Variants in PDZRN4 observed in about 807,000 individuals in gnomAD.
The protein encoded by PDZRN4 is PDZ domain-containing RING finger protein 4.
A neutral mutation model predicts 99.0 loss-of-function variants in PDZRN4; 70 were observed. That is an observed-to-expected ratio of 0.71 (90% CI 0.58 to 0.86). The LOEUF (loss-of-function observed/expected upper bound fraction) is 0.86, where lower values mean the gene tolerates loss of function less well. PDZRN4 is among the 40% of genes least tolerant of loss of function. The pLI, the probability that PDZRN4 is intolerant of heterozygous loss-of-function variation, is 0.00. For synonymous variants in PDZRN4, 551 were observed against 501.6 expected (o/e 1.10, Z -1.32); for missense variants, 1,474 against 1,331.2 (o/e 1.11, Z -1.67).
rs78145921 is a variant in PDZRN4 at position 41,270,227 on chromosome 12, C to A, written c.843+76039C>A. 7.8e-3 allele frequency among the ~76,000 whole-genome samples: 1,171 copies of A among 151,068 alleles called. 29 individuals are homozygous for A. The highest frequency in any genetic ancestry group is 0.053 in the East Asian group (271 of 5,138). ...AATAGATTTTACTCAATTAACTCTGCAATTATCTGGGATAATTTTTGGATC... is the reference window on the plus strand; with the variant it reads ...AATAGATTTTACTCAATTAACTCTGAAATTATCTGGGATAATTTTTGGATC... On this transcript the variant is annotated intron_variant, in intron 3 of 9. Transcript: ENST00000402685.
intron 3 of PDZRN4, among the ~76,000 whole-genome samples, chr12:41,206,943 T>C (rs891125574): frequency 1.5e-4 from 23 of 152,078 alleles, no homozygotes; most frequent in African/African-American, 5.5e-4. Flanking sequence ...CTGTCTATTT[T>C]GCTTCGCAAT....
intron 3 of PDZRN4, among the ~76,000 whole-genome samples, chr12:41,439,464 T>G (rs899849186): frequency 6.6e-6 from 1 of 152,120 alleles, no homozygotes; most frequent in Non-Finnish European, 1.5e-5. Context: ...ATTACTAAAT[T>G]TATATAAAAG....
intron 3 of PDZRN4, among the ~76,000 whole-genome samples, chr12:41,329,937 C>G (rs1228612178): frequency 2.6e-5 from 4 of 152,088 alleles, no homozygotes; most frequent in African/African-American, 9.7e-5. Context: ...ATACCTGATT[C>G]TCTCATGATA....
chr12:41,314,534 A>G (rs1951626667), intron 3 of PDZRN4, among the ~76,000 whole-genome samples: 1 of 152,204 alleles, frequency 6.6e-6, no homozygotes, highest in South Asian at 2.1e-4. Flanking sequence ...GCCTTCACCA[A>G]AGAGGCTGCA....
At chr12:41,420,595 C>T (rs1952480655) in intron 3 of PDZRN4, among the ~76,000 whole-genome samples, 1 of 152,300 alleles carries the variant, frequency 6.6e-6, no homozygotes. Flanking sequence ...CTGGTCTTCT[C>T]AGTCTCTCTT....
chr12:41,344,168 A>G (rs921564952), intron 3 of PDZRN4, among the ~76,000 whole-genome samples: 1 of 152,164 alleles, frequency 6.6e-6, no homozygotes, highest in African/African-American at 2.4e-5. Context: ...TAGCAGACAG[A>G]GTTCAATGAG....
rs191386348 is a variant in PDZRN4 at position 41,310,679 on chromosome 12, G to A, written c.843+116491G>A. On this transcript the variant is annotated intron_variant, in intron 3 of 9. Transcript: ENST00000402685. The stretch of plus-strand genomic sequence containing the variant: ...ACAAAAATATTTCTTAAGATAAAAG[G>A]AAAGCTTTACAGAAAAGCAAAGGCT... Among the ~76,000 whole-genome samples, 509 of 152,228 alleles carry A rather than the reference G, an allele frequency of 3.3e-3. 7 individuals carry two copies. Among genetic ancestry groups the A allele is most frequent in the African/African-American group, 0.012 (490 of 41,544 alleles).
At position 41,313,648 on chromosome 12, in the gene PDZRN4, G is replaced by A. The variant is rs150543372; in HGVS notation, c.843+119460G>A. Among the ~76,000 whole-genome samples, 1,179 of 152,234 alleles carry A rather than the reference G, an allele frequency of 7.7e-3. 15 individuals are homozygous for A. The highest frequency in any genetic ancestry group is 0.026 in the African/African-American group (1,096 of 41,538). On this transcript the variant is annotated intron_variant, in intron 3 of 9. Coordinates refer to ENST00000402685, the MANE Select transcript of PDZRN4 (RefSeq NM_001164595.2). ...AGAGAAGGAATTCTTCCTCCTCGTTGAGCCCCATCCATGGACATCAGCCAT... is the reference window on the plus strand; with the variant it reads ...AGAGAAGGAATTCTTCCTCCTCGTTAAGCCCCATCCATGGACATCAGCCAT...
intron 3 of PDZRN4, among the ~76,000 whole-genome samples, chr12:41,491,698 G>C (rs549766658): frequency 6.6e-6 from 1 of 152,224 alleles, no homozygotes; most frequent in Non-Finnish European, 1.5e-5. Flanking sequence ...ATCTTCTGCA[G>C]TTTTTAGGAT....
intron 3 of PDZRN4, among the ~76,000 whole-genome samples, chr12:41,325,587 G>C (rs1399013763): frequency 6.6e-6 from 1 of 152,076 alleles, no homozygotes; most frequent in Non-Finnish European, 1.5e-5. Context: ...AAGCCAGTGA[G>C]GCCCTTCTAG....
At chr12:41,288,453 T>C (rs1951434990) in intron 3 of PDZRN4, among the ~76,000 whole-genome samples, 1 of 152,214 alleles carries the variant, frequency 6.6e-6, no homozygotes, top group South Asian at 2.1e-4. Context: ...AATATTGTGA[T>C]GCCTCCTGTT....
chr12:41,541,984 T>A (rs1938865706), intron 5 of PDZRN4, among the ~76,000 whole-genome samples: 1 of 152,176 alleles, frequency 6.6e-6, no homozygotes, highest in Non-Finnish European at 1.5e-5. Flanking sequence ...GTAGATGGTA[T>A]CTCTTTAGCT....
At chr12:41,201,785 C>T (rs1275821751) in intron 3 of PDZRN4, among the ~76,000 whole-genome samples, 9 of 152,060 alleles carry the variant, frequency 5.9e-5, no homozygotes, top group South Asian at 2.1e-4. Flanking sequence ...GTTGTAAGAT[C>T]TCGAAAATCT....
chr12:41,268,886 T>C (rs1026344435), intron 3 of PDZRN4, among the ~76,000 whole-genome samples: 11 of 152,140 alleles, frequency 7.2e-5, no homozygotes, highest in Admixed American at 1.3e-4. Context: ...CATGGAAAAT[T>C]GCGTGATTGA....
chr12:41,241,288 A>C (rs1462911762), intron 3 of PDZRN4, among the ~76,000 whole-genome samples: 1 of 152,214 alleles, frequency 6.6e-6, no homozygotes, highest in African/African-American at 2.4e-5. Flanking sequence ...CAATCTGTGC[A>C]GATAAAGGAT....
intron 3 of PDZRN4, among the ~76,000 whole-genome samples, chr12:41,206,300 C>G (rs1178129429): frequency 6.6e-6 from 1 of 151,908 alleles, no homozygotes; most frequent in Non-Finnish European, 1.5e-5. Flanking sequence ...AGATTCTCAT[C>G]AGCAGTGTCT....
At chr12:41,516,231 A>G (rs1370879989) in intron 5 of PDZRN4, among the ~76,000 whole-genome samples, 1 of 152,016 alleles carries the variant, frequency 6.6e-6, no homozygotes, top group East Asian at 1.9e-4. Context: ...ATAGTCATTT[A>G]TGTACTTGTC....
chr12:41,562,741 A>G (rs994800875), intron 7 of PDZRN4, among the ~76,000 whole-genome samples: 2 of 152,148 alleles, frequency 1.3e-5, no homozygotes, highest in African/African-American at 4.8e-5. Flanking sequence ...TTTAGAACTT[A>G]GAAAAAGTAA....
chr12:41,563,766 C>T (rs157971), intron 8 of PDZRN4, 117 bp downstream of exon 8: 481,581 of 720,438 alleles, frequency 0.67, 163,896 homozygotes, highest in East Asian at 0.89. Flanking sequence ...ATCATTATCA[C>T]GGTTATCTCT....
Sources: allele counts gnomAD v4.1 joint callset (sites outside exome capture counted in the v4.1 genomes callset), GRCh38; gene constraint gnomAD v4.1.1; transcripts MANE v1.5; gene names NCBI Gene and HGNC (gene_info 2026-07-23, HGNC 2026-07-21).